Variants in LRP1 observed in about 807,000 individuals in gnomAD.
The protein encoded by LRP1 is prolow-density lipoprotein receptor-related protein 1.
Under a neutral mutation model 541.5 loss-of-function variants are expected in LRP1, and 51 were observed. That is an observed-to-expected ratio of 0.09 (90% CI 0.08 to 0.12). LRP1 has a LOEUF of 0.12. Ranked by LOEUF, LRP1 falls within the 10% of genes least tolerant of loss-of-function variation. LRP1 has a pLI of 1.00. For synonymous variants in LRP1, 2,219 were observed against 2,470.8 expected, an observed-to-expected ratio of 0.90 and a Z score of 3.02; for missense variants, 3,878 against 6,376.2, an observed-to-expected ratio of 0.61 and a Z score of 13.34.
intron 78 of LRP1, 125 bp downstream of exon 78, chr12:57,208,942 G>A (rs1800192): frequency 9.4e-7 from 1 of 1,065,088 alleles, no homozygotes; most frequent in Admixed American, 1.8e-5. Flanking sequence ...GGGCAGATTG[G>A]CCGTGGAGGC....
chr12:57,149,484 T>C, intron 6 of LRP1: 3 of 607,688 alleles, frequency 4.9e-6, no homozygotes, highest in Non-Finnish European at 8.8e-6. Flanking sequence ...CCTTGCTGTT[T>C]TCAAGCCAAA....
At chr12:57,182,678 T>C (rs1242594529) in intron 34 of LRP1, among the ~76,000 whole-genome samples, 1 of 151,790 alleles carries the variant, frequency 6.6e-6, no homozygotes, top group Non-Finnish European at 1.5e-5. Context: ...TAGCCGGGCA[T>C]GGTGGTGCAT....
At position 57,203,293 on chromosome 12, in the gene LRP1, C is replaced by T; in HGVS notation, c.10818+6C>T. 6.2e-7 allele frequency: 1 copy of T among 1,600,526 alleles called. No individual in the cohort carries two copies. The highest frequency in any genetic ancestry group is 8.5e-7 in the Non-Finnish European group (1 of 1,170,388). On this transcript the variant is annotated splice_donor_region_variant and intron_variant, in intron 69 of 88. Coordinates refer to ENST00000243077, the MANE Select transcript of LRP1 (RefSeq NM_002332.3). ...GCGCGGACGGCTCGGACGAGGTGGG[C>T]AGGGAGATGAGAAGGAAGCAGATGG... is the stretch of plus-strand genomic sequence containing the variant.
Position 57,191,005 on chromosome 12 carries a change from G to A in LRP1, c.7232G>A (p.Arg2411His). The part of the protein sequence containing the change: ...IERCEYDGSH[R>H]YVILKSEPVH... Reference sequence around the variant, plus strand: ...CGGTGCGAGTATGACGGCTCCCACCGCTATGTGAGTCTGCGGGGTGGGTGA... The same window carrying A: ...CGGTGCGAGTATGACGGCTCCCACCACTATGTGAGTCTGCGGGGTGGGTGA... The change falls in exon 43 of 89, where the codon CGC (arginine) becomes CAC (histidine). Residue 2411 changes from arginine to histidine, a missense_variant. By Grantham distance (29) the Arg-to-His change is conservative (BLOSUM62 0). Around this residue, in one of 13 missense-constraint regions of LRP1, gnomAD observed 1,100 missense variants for 1,827.4 expected, o/e 0.60. Transcript: ENST00000243077. 1 of 1,609,798 alleles carries A rather than the reference G, an allele frequency of 6.2e-7. No individual in the cohort carries two copies. The highest frequency in any genetic ancestry group is 8.5e-7 in the Non-Finnish European group (1 of 1,179,624).
rs1430753231 is a variant in LRP1, at chr12:57,193,596, A to C, written c.7715A>C (p.Gln2572Pro). 2.5e-6 allele frequency: 4 copies of C among 1,614,160 alleles called. No individual in the cohort carries two copies. The highest frequency in any genetic ancestry group is 2.2e-5 in the East Asian group (1 of 44,888). ...NSRRCKKTFR[Q>P]CSNGRCVSNM... ...CGCCGCTGCAAGAAGACTTTCCGGC[A>C]GTGCAGCAATGGGCGCTGTGTGTCC... The change falls in exon 47 of 89, where the codon CAG becomes CCG. Residue 2572 changes from glutamine to proline, a missense_variant. Coordinates refer to ENST00000243077, the MANE Select transcript of LRP1 (RefSeq NM_002332.3).
intron 1 of LRP1, among the ~76,000 whole-genome samples, chr12:57,129,405 G>A (rs2034990958): frequency 6.6e-6 from 1 of 152,076 alleles, no homozygotes; most frequent in African/African-American, 2.4e-5. Context: ...AAGGAATCCG[G>A]ATTTGCAATG....
In LRP1 at chr12:57,179,997, G is replaced by C; in HGVS notation, c.5141+41G>C. Reference sequence around the variant, plus strand: ...AGGGCCGGGGAGCATGGGGTGTGGGGCTGGGAAGAAGAGGACCCTGACCTT... The same window carrying C: ...AGGGCCGGGGAGCATGGGGTGTGGGCCTGGGAAGAAGAGGACCCTGACCTT... On this transcript the variant is annotated intron_variant, in intron 30 of 88. Coordinates refer to ENST00000243077, the MANE Select transcript of LRP1 (RefSeq NM_002332.3). This position sits in a 1 kb window ranked among gnomAD's most constrained non-coding sequence, Gnocchi z 6.8. The C allele has an allele frequency of 6.2e-7, 1 of 1,613,856 alleles. No homozygotes were observed. Among genetic ancestry groups the C allele is most frequent in the Non-Finnish European group, 8.5e-7 (1 of 1,179,868 alleles).
At position 57,205,721 on chromosome 12, in the gene LRP1, C is replaced by A; in HGVS notation, c.11590+44C>A. On this transcript the variant is annotated intron_variant, in intron 75 of 88. Coordinates refer to ENST00000243077, the MANE Select transcript of LRP1 (RefSeq NM_002332.3). The surrounding 1 kb of genome is among the most constrained non-coding windows in gnomAD (Gnocchi z 4.6). ...GGCAGAAAGGCTGGGTGGGGCAGGG[C>A]GACCAGGATATCAAACGGGGCCGAC... 6.3e-7 allele frequency: 1 copy of A among 1,597,442 alleles called. No homozygotes were observed. Among genetic ancestry groups the A allele is most frequent in the Non-Finnish European group, 8.5e-7 (1 of 1,176,486 alleles).
At chr12:57,148,982 G>A (rs750938072) in intron 6 of LRP1, 1 of 638,706 alleles carries the variant, frequency 1.6e-6, no homozygotes, top group Non-Finnish European at 2.8e-6. Context: ...TTTTTTTAGT[G>A]TGTGTGTTTT....
chr12:57,147,829 C>T (rs906128686), intron 6 of LRP1, among the ~76,000 whole-genome samples: 3 of 152,132 alleles, frequency 2.0e-5, no homozygotes, highest in African/African-American at 4.8e-5. Context: ...CCCCCGAGGG[C>T]CCCCCTGAGG....
rs10876967 is a variant in LRP1 at position 57,176,810 on chromosome 12, G to A, written c.3992-231G>A. 0.37 allele frequency among the ~76,000 whole-genome samples: 55,837 copies of A among 151,514 alleles called. 10,834 individuals are homozygous for A. The highest frequency in any genetic ancestry group is 0.47 in the African/African-American group (19,530 of 41,210). On this transcript the variant is annotated intron_variant, in intron 24 of 88. Transcript: ENST00000243077. ...TTGAGCTCAAGCAGTTGAGGCTGCC[G>A]TGAGCCATGATCATGCCACTGCATC...
At chr12:57,151,399 G>C (rs2136670920) in intron 6 of LRP1, among the ~76,000 whole-genome samples, 1 of 152,160 alleles carries the variant, frequency 6.6e-6, no homozygotes. Context: ...GGAATCCCCT[G>C]CCCCTCTGCC....
chr12:57,162,388 T>C lies in LRP1; in HGVS notation c.2274T>C (p.Thr758=). The C allele has an allele frequency of 1.2e-6, 2 of 1,614,214 alleles. No individual in the cohort carries two copies. Among genetic ancestry groups the C allele is most frequent in the South Asian group, 2.2e-5 (2 of 91,086 alleles). The part of the protein sequence containing the change: ...LCHHGNYLFW[T]EYRSGSVYRL... ...ACCATGGCAACTACCTCTTCTGGAC[T>C]GAGTATCGGAGTGGCAGTGTCTACC... is the stretch of plus-strand genomic sequence containing the variant. Residue 758 remains threonine (T), a synonymous_variant, in exon 14 of 89, where the codon ACT becomes ACC. Coordinates refer to ENST00000243077, the MANE Select transcript of LRP1 (RefSeq NM_002332.3). This position sits in a 1 kb window ranked among gnomAD's most constrained non-coding sequence, Gnocchi z 5.2.
At chr12:57,200,635 C>G in intron 63 of LRP1, 64 bp from the exon 64 acceptor site, 1 of 1,548,176 alleles carries the variant, frequency 6.5e-7, no homozygotes, top group South Asian at 1.1e-5. Flanking sequence ...GCTGTGGTGC[C>G]CTGCAAGTGG....
Position 57,173,985 on chromosome 12 carries a change from G to A in LRP1, c.3547+5G>A. 2 of 1,613,816 alleles carry A rather than the reference G, an allele frequency of 1.2e-6. No individual in the cohort carries two copies. Among genetic ancestry groups the A allele is most frequent in the Non-Finnish European group, 1.7e-6 (2 of 1,179,948 alleles). ...CAGATGAGGGCGAGCTCTGCGGTGA[G>A]GCCTGGTCCCAGGAGAAGGGTAGGG... On this transcript the variant is annotated splice_donor_5th_base_variant and intron_variant, in intron 22 of 88. Transcript: ENST00000243077. The surrounding 1 kb of genome is among the most constrained non-coding windows in gnomAD (Gnocchi z 4.7).
Position 57,213,297 on chromosome 12 carries a change from C to T in LRP1, c.*742C>T, listed in dbSNP as rs563082994. 12 of 126,460 alleles carry T rather than the reference C, an allele frequency of 9.5e-5. No individual in the cohort carries two copies. The highest frequency in any genetic ancestry group is 1.9e-4 in the Non-Finnish European group (12 of 64,454). The allele number at this position is 126,460 out of a possible 1,614,324, so 7.8% of individuals were successfully genotyped here. A position where few individuals can be genotyped will look rare whatever the true frequency, so the allele number is the denominator to read the frequency against. On this transcript the variant is annotated 3_prime_UTR_variant, in exon 89 of 89. Coordinates refer to ENST00000243077, the MANE Select transcript of LRP1 (RefSeq NM_002332.3). ...ACGTTTTAATAATTTTTGCTGAATT[C>T]CTTTACAACTAAATAACACAGATAT... is the stretch of plus-strand genomic sequence containing the variant.
At position 57,209,819 on chromosome 12, in the gene LRP1, G is replaced by C. The variant is rs778605464; in HGVS notation, c.12390G>C (p.Leu4130=). The change falls in exon 80 of 89, where the codon CTG becomes CTC. Residue 4130 remains leucine (L), a synonymous_variant. Coordinates refer to ENST00000243077, the MANE Select transcript of LRP1 (RefSeq NM_002332.3). ...HSPLVNLTGG[L]SHASDVVLYH... ...CCTTGGTCAACCTGACAGGGGGCCT[G>C]AGCCACGCCTCTGACGTGGTCCTTT... The C allele has an allele frequency of 6.2e-7, 1 of 1,614,216 alleles. No individual in the cohort carries two copies. The highest frequency in any genetic ancestry group is 1.3e-5 in the African/African-American group (1 of 75,072).
At position 57,205,577 on chromosome 12, in the gene LRP1, C is replaced by T. The variant is rs2036759029; in HGVS notation, c.11490C>T (p.Arg3830=). Reference sequence around the variant, plus strand: ...CCTTAGACATCAACGAGTGCCTGCGCTTCGGCACCTGCTCCCAGCTCTGCA... The same window carrying T: ...CCTTAGACATCAACGAGTGCCTGCGTTTCGGCACCTGCTCCCAGCTCTGCA... ...PGCQDINECL[R]FGTCSQLCNN... Residue 3830 remains arginine, a synonymous_variant, in exon 75 of 89, where the codon CGC becomes CGT. Coordinates refer to ENST00000243077, the MANE Select transcript of LRP1 (RefSeq NM_002332.3). This position sits in a 1 kb window ranked among gnomAD's most constrained non-coding sequence, Gnocchi z 4.6. 6.2e-7 allele frequency: 1 copy of T among 1,613,894 alleles called. No individual in the cohort carries two copies. Among genetic ancestry groups the T allele is most frequent in the Non-Finnish European group, 8.5e-7 (1 of 1,180,026 alleles).
rs189499120 is a variant in LRP1 at position 57,172,427 on chromosome 12, C to A, written c.3164-741C>A. The stretch of plus-strand genomic sequence containing the variant: ...CTCGTGATCCGCCCGCCTTGGCATC[C>A]CAAAGTGCTGGGATTACAGGCGTGA... On this transcript the variant is annotated intron_variant, in intron 20 of 88. Coordinates refer to ENST00000243077, the MANE Select transcript of LRP1 (RefSeq NM_002332.3). 2.6e-5 allele frequency among the ~76,000 whole-genome samples: 4 copies of A among 152,290 alleles called. No homozygotes were observed. The East Asian group carries it at 5.8e-4, about 22-fold the overall frequency.
Sources: gnomAD v4.1 joint callset for allele counts (sites outside exome capture counted in the v4.1 genomes callset) on GRCh38, gnomAD v4.1.1 for gene constraint, gnomAD v4.1.1 regional missense constraint, Gnocchi (gnomAD v3.1) non-coding constraint, MANE v1.5 for transcripts, NCBI Gene and HGNC (gene_info 2026-07-23, HGNC 2026-07-21) for gene names.